ESRRG: variants seen among roughly 807,000 people sequenced by gnomAD.
ESRRG encodes the protein estrogen-related receptor gamma.
A neutral mutation model predicts 44.0 loss-of-function variants in ESRRG; 13 were observed. That is an observed-to-expected ratio of 0.30 (90% CI 0.19 to 0.47). The LOEUF is 0.47. ESRRG is among the 20% of genes least tolerant of loss of function. The pLI is 1.00. For missense variants in ESRRG, 395 were observed against 580.6 expected (o/e 0.68, Z 3.29); for synonymous variants, 215 against 214.6 (o/e 1.00, Z -0.02).
chr1:217,041,063 TC>T (rs1453045513), intron 1 of ESRRG, among the ~76,000 whole-genome samples: 1 of 152,194 alleles, frequency 6.6e-6, no homozygotes, highest in African/African-American at 2.4e-5. Context: ...TTAGTTCAGT[TC>T]CTTTCCTGCT....
At chr1:216,786,672 G>A (rs112161128) in intron 2 of ESRRG, among the ~76,000 whole-genome samples, 3,451 of 152,162 alleles carry the variant, frequency 0.023, 128 homozygotes, top group African/African-American at 0.079. Flanking sequence ...AACAGAATGC[G>A]GGCTATATTA....
intron 1 of ESRRG, chr1:216,939,821 C>T (rs890921810): frequency 4.6e-5 from 7 of 151,964 alleles, no homozygotes; most frequent in South Asian, 2.1e-4. Context: ...ACTTAGTATG[C>T]TCTGCCTTTA....
intron 1 of ESRRG, among the ~76,000 whole-genome samples, chr1:216,702,904 C>T (rs191515705): frequency 8.7e-4 from 132 of 151,620 alleles, no homozygotes; most frequent in African/African-American, 3.2e-3. Context: ...AATTCTAATA[C>T]CCTAACAGCA....
intron 2 of ESRRG, among the ~76,000 whole-genome samples, chr1:216,736,473 A>G (rs2089941387): frequency 6.6e-6 from 1 of 151,996 alleles, no homozygotes; most frequent in South Asian, 2.1e-4. Flanking sequence ...GTGAGCCACC[A>G]TGCCTGGCCG....
Position 216,817,115 on chromosome 1 carries a change from G to A in ESRRG, c.-14+122467C>T, listed in dbSNP as rs1042875091. 2.0e-5 allele frequency among the ~76,000 whole-genome samples: 3 copies of A among 150,872 alleles called. No homozygotes were observed. The South Asian group carries it at 6.3e-4, about 31-fold the overall frequency. On this transcript the variant is annotated intron_variant, in intron 2 of 7. Transcript: ENST00000359162. ...AATATGGAGCAGACTTTCTTAAAAGGCGAAATATTTTGGCAAAACTTACCC... is the reference window on the plus strand; with the variant it reads ...AATATGGAGCAGACTTTCTTAAAAGACGAAATATTTTGGCAAAACTTACCC...
chr1:217,123,952 A>T lies in ESRRG; in HGVS notation c.-230+13715T>A, dbSNP rs140326563. ...TTTTTAAAAATACCCATTTTAAAAG[A>T]CTAGTCTCAAAGCAATCTCCTGGAA... On this transcript the variant is annotated intron_variant, in intron 1 of 8. Coordinates refer to the ESRRG transcript ENST00000366940. Among the ~76,000 whole-genome samples the T allele has an allele frequency of 1.7e-3, 264 of 152,326 alleles. 1 individual carries two copies. The highest frequency in any genetic ancestry group is 6.1e-3 in the African/African-American group (253 of 41,588).
At chr1:216,988,394 T>C (rs1257533396) in intron 1 of ESRRG, among the ~76,000 whole-genome samples, 1 of 152,208 alleles carries the variant, frequency 6.6e-6, no homozygotes. Flanking sequence ...TATCAGTTGT[T>C]TTCCTTATTG....
At chr1:216,774,324 C>A (rs948039993) in intron 2 of ESRRG, among the ~76,000 whole-genome samples, 29 of 152,136 alleles carry the variant, frequency 1.9e-4, no homozygotes, top group African/African-American at 6.5e-4. Context: ...GCAGCAGGGG[C>A]CACAGTTTAG....
At chr1:217,071,436 T>C (rs12411118) in intron 1 of ESRRG, among the ~76,000 whole-genome samples, 24,968 of 152,172 alleles carry the variant, frequency 0.16, 2,647 homozygotes, top group Non-Finnish European at 0.24. Context: ...TTCTCATGTA[T>C]AAGATAGGGG....
At chr1:217,111,870 C>A (rs1434705200) in intron 1 of ESRRG, among the ~76,000 whole-genome samples, 1 of 152,160 alleles carries the variant, frequency 6.6e-6, no homozygotes, top group Non-Finnish European at 1.5e-5. Flanking sequence ...GAGAATTCAG[C>A]AGAATGACAT....
intron 2 of ESRRG, among the ~76,000 whole-genome samples, chr1:216,731,037 A>G (rs17680160): frequency 0.062 from 9,496 of 152,308 alleles, 371 homozygotes; most frequent in African/African-American, 0.091. Flanking sequence ...CTGCCATATC[A>G]GTACCTAAAA....
At chr1:217,027,155 C>T (rs1443111333) in intron 1 of ESRRG, among the ~76,000 whole-genome samples, 4 of 152,058 alleles carry the variant, frequency 2.6e-5, no homozygotes, top group African/African-American at 9.7e-5. Context: ...CCTTCTGTTC[C>T]CCAAACATAC....
At chr1:216,573,555 C>A (rs1190193926) in intron 3 of ESRRG, among the ~76,000 whole-genome samples, 3 of 151,788 alleles carry the variant, frequency 2.0e-5, no homozygotes, top group East Asian at 3.9e-4. Flanking sequence ...TATCCCATAT[C>A]AATTCTGTAG....
At chr1:216,774,895 G>A (rs552820146) in intron 2 of ESRRG, among the ~76,000 whole-genome samples, 6 of 149,374 alleles carry the variant, frequency 4.0e-5, no homozygotes, top group East Asian at 2.0e-4. Flanking sequence ...TTGGACTCCC[G>A]GGCTTAAGCA....
At chr1:216,569,096 G>GGAAGGAAGGAAGGAAGGAA (rs1553356044) in intron 3 of ESRRG, among the ~76,000 whole-genome samples, 38 of 80,550 alleles carry the variant, frequency 4.7e-4, no homozygotes, top group African/African-American at 1.3e-3. Context: ...AAGGAAGGAA[G>GGAAGGAAGGAAGGAAGGAA]GAAGGAAGGA....
At chr1:216,538,132 C>T (rs185749356) in intron 5 of ESRRG, among the ~76,000 whole-genome samples, 281 of 152,070 alleles carry the variant, frequency 1.8e-3, no homozygotes, top group Middle Eastern at 3.4e-3. Flanking sequence ...TACTACTTGG[C>T]CCTATTTCTA....
chr1:216,964,573 A>G (rs2818778), intron 1 of ESRRG, among the ~76,000 whole-genome samples: 78,045 of 151,952 alleles, frequency 0.51, 21,840 homozygotes, highest in Middle Eastern at 0.7. Flanking sequence ...ATAGAGGGGT[A>G]AGGGTGGCAG....
intron 1 of ESRRG, among the ~76,000 whole-genome samples, chr1:217,035,900 C>A (rs1349589855): frequency 6.6e-6 from 1 of 152,112 alleles, no homozygotes; most frequent in Non-Finnish European, 1.5e-5. Flanking sequence ...AAAATTTTTG[C>A]AGATTATGCA....
chr1:217,008,695 G>T (rs534639681), intron 1 of ESRRG, among the ~76,000 whole-genome samples: 1 of 152,270 alleles, frequency 6.6e-6, no homozygotes, highest in East Asian at 1.9e-4. Flanking sequence ...AAATCTTAAA[G>T]GTTTTATTTT....
Sources: gnomAD v4.1 joint callset for allele counts (sites outside exome capture counted in the v4.1 genomes callset) on GRCh38, gnomAD v4.1.1 for gene constraint, MANE v1.5 for transcripts, NCBI Gene and HGNC (gene_info 2026-07-23, HGNC 2026-07-21) for gene names.